NCAM1: variants seen among roughly 807,000 people sequenced by gnomAD.
NCAM1 encodes neural cell adhesion molecule 1.
NCAM1 carries 14 observed loss-of-function variants against 109.8 expected under a neutral mutation model. That is an observed-to-expected ratio of 0.13 (90% CI 0.08 to 0.20). The LOEUF (loss-of-function observed/expected upper bound fraction) is 0.20, where lower values mean the gene tolerates loss of function less well. NCAM1 is among the 10% of genes least tolerant of loss of function. The pLI is 1.00. For synonymous variants in NCAM1, 418 were observed against 442.9 expected, an observed-to-expected ratio of 0.94 and a Z score of 0.70; for missense variants, 774 against 1,109.9, an observed-to-expected ratio of 0.70 and a Z score of 4.30.
chr11:113,160,180 G>C (rs1942552774), intron 1 of NCAM1, among the ~76,000 whole-genome samples: 1 of 152,084 alleles, frequency 6.6e-6, no homozygotes, highest in Non-Finnish European at 1.5e-5. Flanking sequence ...CATAGGGCAG[G>C]CCCTGCTGAG....
At chr11:113,072,732 TC>T (rs1938335923) in intron 1 of NCAM1, among the ~76,000 whole-genome samples, 4 of 14,876 alleles carry the variant, frequency 2.7e-4, no homozygotes. Context: ...GCTAGAGTCA[TC>T]TTTTTTTTTT....
chr11:113,097,827 G>A (rs573167747), intron 1 of NCAM1, among the ~76,000 whole-genome samples: 4 of 152,132 alleles, frequency 2.6e-5, no homozygotes, highest in Non-Finnish European at 5.9e-5. Flanking sequence ...TATTTAAGTT[G>A]AATTTGTACA....
At chr11:113,163,291 T>C (rs1942665702) in intron 1 of NCAM1, among the ~76,000 whole-genome samples, 1 of 152,138 alleles carries the variant, frequency 6.6e-6, no homozygotes, top group Admixed American at 6.5e-5. Flanking sequence ...GCTGAAAAAG[T>C]CTGGAAAAAA....
At chr11:113,153,228 A>C (rs1231786187) in intron 1 of NCAM1, among the ~76,000 whole-genome samples, 2 of 152,096 alleles carry the variant, frequency 1.3e-5, no homozygotes, top group Non-Finnish European at 2.9e-5. Flanking sequence ...TTTTAAGTAG[A>C]GATGAGTTTT....
chr11:112,986,599 G>A (rs953777736), intron 1 of NCAM1, among the ~76,000 whole-genome samples: 1 of 151,890 alleles, frequency 6.6e-6, no homozygotes, highest in Non-Finnish European at 1.5e-5. Flanking sequence ...CTTGTTACCT[G>A]TCTGCTCACA....
rs547992759 is a variant in NCAM1, at chr11:113,113,010, T to C, written c.53-89369T>C. ...AGACAGGCATGGGGGTGTGCACCTG[T>C]AATCCCAGCTACTCAGGAGACTGAG... On this transcript the variant is annotated intron_variant, in intron 1 of 19. Transcript: ENST00000316851. Among the ~76,000 whole-genome samples the C allele has an allele frequency of 7.5e-4, 114 of 152,172 alleles. 1 individual carries two copies. Among genetic ancestry groups the C allele is most frequent in the African/African-American group, 2.7e-3 (112 of 41,524 alleles).
intron 1 of NCAM1, among the ~76,000 whole-genome samples, chr11:113,120,176 G>A (rs1430369645): frequency 3.3e-5 from 5 of 152,156 alleles, no homozygotes; most frequent in African/African-American, 1.2e-4. Context: ...CACGCCAAAG[G>A]GTTTTAAGCT....
intron 1 of NCAM1, among the ~76,000 whole-genome samples, chr11:113,193,560 G>A (rs1285246625): frequency 6.6e-6 from 1 of 152,134 alleles, no homozygotes; most frequent in African/African-American, 2.4e-5. Context: ...GGATGAGGTG[G>A]GAGAATCGCT....
At chr11:113,255,754 C>A in intron 15 of NCAM1, 123 bp from the exon 16 acceptor site, 1 of 1,108,632 alleles carries the variant, frequency 9.0e-7, no homozygotes, top group Non-Finnish European at 1.3e-6. Context: ...GCTTTTTAAC[C>A]ATTTGAATTT....
At chr11:113,253,427 G>C (rs183736357) in intron 15 of NCAM1, among the ~76,000 whole-genome samples, 1 of 152,062 alleles carries the variant, frequency 6.6e-6, no homozygotes. Context: ...TTGGTAGTCC[G>C]TGCTAGTGCA....
intron 1 of NCAM1, among the ~76,000 whole-genome samples, chr11:113,199,770 A>T (rs1014265166): frequency 1.3e-5 from 2 of 150,254 alleles, no homozygotes; most frequent in Admixed American, 6.7e-5. Flanking sequence ...GTACCCTAAA[A>T]CTTAAAGTAT....
chr11:112,961,976 G>A (rs1395067939), intron 1 of NCAM1, among the ~76,000 whole-genome samples: 2 of 152,144 alleles, frequency 1.3e-5, no homozygotes, highest in Non-Finnish European at 1.5e-5. Flanking sequence ...CAGCGGCCGC[G>A]CTGGTGATGG....
rs540488818 is a variant in NCAM1 at position 113,269,812 on chromosome 11, G to T, written c.2132-376G>T. 6.8e-5 allele frequency: 20 copies of T among 292,868 alleles called. No homozygotes were observed. The East Asian group carries it at 1.7e-3, about 25-fold the overall frequency. The allele number at this position is 292,868 out of a possible 1,614,324, so 18.1% of individuals were successfully genotyped here. On this transcript the variant is annotated intron_variant, in intron 17 of 19. Coordinates refer to ENST00000316851, the MANE Select transcript of NCAM1 (RefSeq NM_181351.5). Reference sequence around the variant, plus strand: ...GCCCCGCCTGAAATCAGTGATCACTGCCTGCCTGTGCTGCAAAGCCTTTTG... The same window carrying T: ...GCCCCGCCTGAAATCAGTGATCACTTCCTGCCTGTGCTGCAAAGCCTTTTG...
At chr11:113,259,209 G>A (rs1017819960) in intron 16 of NCAM1, among the ~76,000 whole-genome samples, 30 of 151,466 alleles carry the variant, frequency 2.0e-4, no homozygotes, top group African/African-American at 6.3e-4. Flanking sequence ...CCGCCACTAC[G>A]CCCGGCTAAT....
At chr11:113,160,410 T>C (rs1942563654) in intron 1 of NCAM1, among the ~76,000 whole-genome samples, 1 of 152,172 alleles carries the variant, frequency 6.6e-6, no homozygotes, top group African/African-American at 2.4e-5. Context: ...AGGGCCCCTT[T>C]TATGTTGCCC....
At chr11:113,253,142 AAAGAT>A (rs1477297302) in intron 15 of NCAM1, among the ~76,000 whole-genome samples, 2 of 152,134 alleles carry the variant, frequency 1.3e-5, no homozygotes, top group African/African-American at 2.4e-5. Context: ...AAACAAATCT[AAAGAT>A]AAGAGAGTAC....
At chr11:113,171,524 T>C (rs1942988990) in intron 1 of NCAM1, among the ~76,000 whole-genome samples, 1 of 152,066 alleles carries the variant, frequency 6.6e-6, no homozygotes, top group Non-Finnish European at 1.5e-5. Context: ...TCCCAGCTAC[T>C]CAGGAGGCTG....
chr11:113,235,257 A>G, intron 14 of NCAM1, 93 bp downstream of exon 14: 1 of 1,607,980 alleles, frequency 6.2e-7, no homozygotes, highest in Non-Finnish European at 8.5e-7. Flanking sequence ...CATTGTTCAG[A>G]CCACAGCTTT....
chr11:112,999,727 C>A (rs919346320), intron 1 of NCAM1, among the ~76,000 whole-genome samples: 2 of 152,080 alleles, frequency 1.3e-5, no homozygotes, highest in Admixed American at 6.6e-5. Context: ...TAATCACATT[C>A]GAGCCATGTT....
Sources: allele counts gnomAD v4.1 joint callset (sites outside exome capture counted in the v4.1 genomes callset), GRCh38; gene constraint gnomAD v4.1.1; transcripts MANE v1.5; gene names NCBI Gene and HGNC (gene_info 2026-07-23, HGNC 2026-07-21).